Variants in SHISA9 observed in about 807,000 individuals in gnomAD.
SHISA9 encodes shisa family member 9.
A neutral mutation model predicts 38.0 loss-of-function variants in SHISA9; 13 were observed. The ratio of observed to expected loss-of-function variants is 0.34; its 90% CI spans 0.22 to 0.54. The LOEUF (loss-of-function observed/expected upper bound fraction) is 0.54, where lower values mean the gene tolerates loss of function less well. SHISA9 is among the 20% of genes least tolerant of loss of function. The pLI, the probability that SHISA9 is intolerant of heterozygous loss-of-function variation, is 0.91. For missense variants in SHISA9, 538 were observed against 575.8 expected (o/e 0.93, Z 0.67); for synonymous variants, 275 against 242.0 (o/e 1.14, Z -1.27).
intron 2 of SHISA9, among the ~76,000 whole-genome samples, chr16:13,146,951 C>T (rs185924679): frequency 2.6e-5 from 4 of 152,262 alleles, no homozygotes; most frequent in African/African-American, 7.2e-5. Context: ...TTGTTTGGCA[C>T]ATTCTAGAGC....
At chr16:13,226,720 G>T (rs946709021) in intron 4 of SHISA9, among the ~76,000 whole-genome samples, 13 of 152,190 alleles carry the variant, frequency 8.5e-5, no homozygotes, top group Non-Finnish European at 1.6e-4. Context: ...TGGGTCTGCT[G>T]TTAGGTGGCT....
At chr16:13,495,418 G>T in the SHISA9 span, among the ~76,000 whole-genome samples, 1 of 151,992 alleles carries the variant, frequency 6.6e-6, no homozygotes, top group Non-Finnish European at 1.5e-5. Context: ...AATTAAGAAA[G>T]ATAATATATA....
the SHISA9 span, among the ~76,000 whole-genome samples, chr16:13,515,769 C>G: frequency 6.6e-6 from 1 of 152,056 alleles, no homozygotes; most frequent in Non-Finnish European, 1.5e-5. Context: ...ATATATTAGT[C>G]TCTAGGGAAG....
intron 2 of SHISA9, among the ~76,000 whole-genome samples, chr16:13,162,549 G>A (rs558624857): frequency 4.6e-5 from 7 of 152,266 alleles, no homozygotes; most frequent in Non-Finnish European, 8.8e-5. Flanking sequence ...CATTAAAACA[G>A]ATTCGAAACT....
chr16:12,979,686 A>C (rs1256537675), intron 2 of SHISA9, among the ~76,000 whole-genome samples: 1 of 150,638 alleles, frequency 6.6e-6, no homozygotes, highest in Non-Finnish European at 1.5e-5. Context: ...TTTTTTCCTC[A>C]CTTACTAAGA....
At chr16:13,327,248 G>A in the SHISA9 span, among the ~76,000 whole-genome samples, 1 of 152,110 alleles carries the variant, frequency 6.6e-6, no homozygotes, top group African/African-American at 2.4e-5. Context: ...AGGGAGCCGA[G>A]AGCCATGACC....
chr16:13,230,987 C>G (rs536877769), intron 4 of SHISA9, among the ~76,000 whole-genome samples: 2 of 152,252 alleles, frequency 1.3e-5, no homozygotes, highest in East Asian at 1.9e-4. Flanking sequence ...TTACTGCAAC[C>G]TGTTTTTTCA....
chr16:13,168,017 C>T (rs987301666), intron 2 of SHISA9, among the ~76,000 whole-genome samples: 1 of 152,162 alleles, frequency 6.6e-6, no homozygotes, highest in African/African-American at 2.4e-5. Context: ...ACCACATTTT[C>T]CAGCTTCTGT....
the SHISA9 span, among the ~76,000 whole-genome samples, chr16:13,547,406 G>C: frequency 6.6e-6 from 1 of 152,232 alleles, no homozygotes; most frequent in South Asian, 2.1e-4. Flanking sequence ...ATGAGATTAT[G>C]GAGGAAGGAA....
chr16:13,148,929 A>G (rs549445360), intron 2 of SHISA9, among the ~76,000 whole-genome samples: 1 of 152,146 alleles, frequency 6.6e-6, no homozygotes, highest in Admixed American at 6.6e-5. Flanking sequence ...ATGCTCAAGC[A>G]GCTTCTGGGA....
the SHISA9 span, among the ~76,000 whole-genome samples, chr16:13,401,092 G>A: frequency 2.6e-5 from 4 of 152,190 alleles, no homozygotes; most frequent in African/African-American, 9.7e-5. Flanking sequence ...AGTGCTATAA[G>A]TTGTGAGAGT....
chr16:12,954,551 A>C (rs563228689), intron 2 of SHISA9, among the ~76,000 whole-genome samples: 1 of 152,300 alleles, frequency 6.6e-6, no homozygotes, highest in South Asian at 2.1e-4. Flanking sequence ...CATGTGGCCT[A>C]GTAGAAATAG....
chr16:13,485,017 A>C, the SHISA9 span, among the ~76,000 whole-genome samples: 2 of 149,182 alleles, frequency 1.3e-5, no homozygotes, highest in African/African-American at 4.9e-5. Context: ...TAACAACACT[A>C]AGCCTCTTGT....
chr16:13,019,676 C>T (rs1349598993), intron 2 of SHISA9, among the ~76,000 whole-genome samples: 1 of 151,918 alleles, frequency 6.6e-6, no homozygotes, highest in Non-Finnish European at 1.5e-5. Context: ...ACTTGTGTCA[C>T]TGGGGTTTGT....
intron 2 of SHISA9, among the ~76,000 whole-genome samples, chr16:13,172,855 G>C (rs895905838): frequency 6.6e-6 from 1 of 151,026 alleles, no homozygotes; most frequent in Non-Finnish European, 1.5e-5. Context: ...TTGAAACGCC[G>C]AATAATGTAT....
chr16:13,162,308 C>T (rs1194296768), intron 2 of SHISA9, among the ~76,000 whole-genome samples: 4 of 151,450 alleles, frequency 2.6e-5, no homozygotes, highest in Non-Finnish European at 4.4e-5. Flanking sequence ...GGTGTAGAAT[C>T]GTGTAATTCT....
chr16:13,442,731 A>C, the SHISA9 span, among the ~76,000 whole-genome samples: 1 of 152,136 alleles, frequency 6.6e-6, no homozygotes, highest in South Asian at 2.1e-4. Flanking sequence ...AGGCAGGAGG[A>C]TCACTTGAGC....
intron 2 of SHISA9, among the ~76,000 whole-genome samples, chr16:12,976,715 G>A (rs1476999936): frequency 1.3e-5 from 2 of 152,088 alleles, no homozygotes; most frequent in Admixed American, 1.3e-4. Flanking sequence ...GTAACAAGCA[G>A]GTTTCAAGCA....
intron 2 of SHISA9, among the ~76,000 whole-genome samples, chr16:12,937,018 A>G (rs275403): frequency 0.68 from 103,106 of 151,974 alleles, 35,244 homozygotes; most frequent in East Asian, 0.75. Context: ...ATATCCCCCA[A>G]GTAATTTCAC....
Sources: allele counts gnomAD v4.1 joint callset (sites outside exome capture counted in the v4.1 genomes callset), GRCh38; gene constraint gnomAD v4.1.1; transcripts MANE v1.5; gene names NCBI Gene and HGNC (gene_info 2026-07-23, HGNC 2026-07-21).